PDE4D: variants seen among roughly 807,000 people sequenced by gnomAD.
PDE4D encodes phosphodiesterase 4D.
In PDE4D, 24 loss-of-function variants were observed where a neutral mutation model predicts 87.4. The ratio of observed to expected loss-of-function variants is 0.27; its 90% CI spans 0.20 to 0.39. The LOEUF is 0.39. Among genes scored for constraint, PDE4D ranks in the 10% least tolerant of loss-of-function variants. The probability of loss-of-function intolerance (pLI) is 1.00; values close to 1 mark genes in which losing one functional copy is unlikely to be tolerated. For synonymous variants in PDE4D, 384 were observed against 383.2 expected, an observed-to-expected ratio of 1.00 and a Z score of -0.02; for missense variants, 714 against 1,041.0, an observed-to-expected ratio of 0.69 and a Z score of 4.32.
At chr5:60,102,977 CAAA>C (rs201088621) in intron 2 of PDE4D, among the ~76,000 whole-genome samples, 5 of 122,910 alleles carry the variant, frequency 4.1e-5, no homozygotes, top group African/African-American at 1.5e-4. Context: ...GAAGAAATGA[CAAA>C]AAAAAAAAAA....
intron 1 of PDE4D, among the ~76,000 whole-genome samples, chr5:60,220,696 C>T: frequency 6.6e-6 from 1 of 152,134 alleles, no homozygotes; most frequent in East Asian, 1.9e-4. Flanking sequence ...TCTTTGCCTT[C>T]AATTGATATT....
At chr5:59,314,793 A>G (rs2153567900) in intron 1 of PDE4D, 1 of 152,244 alleles carries the variant, frequency 6.6e-6, no homozygotes, top group East Asian at 1.9e-4. Flanking sequence ...AGCTGTCTCC[A>G]TACGTCTACT....
intron 2 of PDE4D, among the ~76,000 whole-genome samples, chr5:60,024,225 T>C (rs1177457106): frequency 2.0e-5 from 3 of 152,148 alleles, no homozygotes; most frequent in Non-Finnish European, 4.4e-5. Flanking sequence ...ACCATAATTG[T>C]TTATTTTATT....
At chr5:59,587,111 C>T (rs1178926760) in intron 1 of PDE4D, 1 of 536,144 alleles carries the variant, frequency 1.9e-6, no homozygotes, top group African/African-American at 2.1e-5. Flanking sequence ...AAGATGCTGT[C>T]ACGATGAAAT....
upstream of PDE4D, among the ~76,000 whole-genome samples, chr5:60,491,911 G>A (rs181709466): frequency 1.3e-3 from 202 of 152,208 alleles, no homozygotes; most frequent in Non-Finnish European, 2.0e-3. Flanking sequence ...TCCTAGGCTG[G>A]TGTGAAGATT....
At chr5:59,736,896 C>T (rs1257695264) in intron 1 of PDE4D, among the ~76,000 whole-genome samples, 1 of 152,046 alleles carries the variant, frequency 6.6e-6, no homozygotes, top group Non-Finnish European at 1.5e-5. Flanking sequence ...AAATTTTCTT[C>T]TTTGCAATTT....
At chr5:59,800,636 C>G (rs1402523136) in intron 1 of PDE4D, among the ~76,000 whole-genome samples, 1 of 151,850 alleles carries the variant, frequency 6.6e-6, no homozygotes, top group Non-Finnish European at 1.5e-5. Context: ...CCTACTATCC[C>G]TCACACCTAA....
chr5:59,811,970 C>G (rs542969678), intron 1 of PDE4D, among the ~76,000 whole-genome samples: 1 of 152,324 alleles, frequency 6.6e-6, no homozygotes, highest in South Asian at 2.1e-4. Context: ...CTTTCCCCAT[C>G]GTGAGGGTTG....
intron 1 of PDE4D, among the ~76,000 whole-genome samples, chr5:59,527,512 G>C (rs1450556979): frequency 6.6e-6 from 1 of 152,118 alleles, no homozygotes; most frequent in Non-Finnish European, 1.5e-5. Flanking sequence ...TTGCAATAAA[G>C]TGAACTTTCA....
At chr5:59,606,982 CTTTGGAAG>C (rs1304436320) in intron 1 of PDE4D, among the ~76,000 whole-genome samples, 1 of 151,802 alleles carries the variant, frequency 6.6e-6, no homozygotes, top group Non-Finnish European at 1.5e-5. Flanking sequence ...TTTCATATAC[CTTTGGAAG>C]TTTTAGTGCC....
At chr5:59,609,485 C>T (rs1003835736) in intron 1 of PDE4D, among the ~76,000 whole-genome samples, 1 of 151,792 alleles carries the variant, frequency 6.6e-6, no homozygotes, top group East Asian at 1.9e-4. Context: ...AGAAGCAATA[C>T]GTGTCACTTC....
chr5:60,340,780 A>T lies in PDE4D; in HGVS notation c.-90+147162T>A, dbSNP rs139449555. Among the ~76,000 whole-genome samples the T allele has an allele frequency of 3.4e-3, 517 of 152,312 alleles. 1 individual carries two copies. The highest frequency in any genetic ancestry group is 0.012 in the African/African-American group (485 of 41,582). ...AGAAGAGTTTAAACAATCCAATTACATATAAAGACAAATAATAATAATATG... is the reference window on the plus strand; with the variant it reads ...AGAAGAGTTTAAACAATCCAATTACTTATAAAGACAAATAATAATAATATG... On this transcript the variant is annotated intron_variant, in intron 1 of 16. Coordinates refer to the PDE4D transcript ENST00000502484.
chr5:60,256,802 C>G (rs1340409990), intron 1 of PDE4D, among the ~76,000 whole-genome samples: 1 of 151,900 alleles, frequency 6.6e-6, no homozygotes, highest in East Asian at 1.9e-4. Flanking sequence ...AATGGGTTTG[C>G]TTCTTGGGAA....
At chr5:59,155,952 G>A (rs2153462322) in intron 5 of PDE4D, among the ~76,000 whole-genome samples, 1 of 152,242 alleles carries the variant, frequency 6.6e-6, no homozygotes, top group Middle Eastern at 3.4e-3. Context: ...AGGAGATGAA[G>A]AGCTGCTGGT....
intron 1 of PDE4D, among the ~76,000 whole-genome samples, chr5:59,580,879 T>G (rs1195683165): frequency 6.6e-6 from 1 of 151,924 alleles, no homozygotes; most frequent in Non-Finnish European, 1.5e-5. Flanking sequence ...TTTAAATTAT[T>G]TTTTTTTAGT....
At chr5:59,245,234 A>T (rs889674862) in intron 1 of PDE4D, among the ~76,000 whole-genome samples, 2 of 152,112 alleles carry the variant, frequency 1.3e-5, no homozygotes, top group Admixed American at 6.6e-5. Flanking sequence ...GTACACAAGG[A>T]CATGTTGGAA....
intron 1 of PDE4D, among the ~76,000 whole-genome samples, chr5:59,223,158 C>T (rs940945013): frequency 3.3e-4 from 51 of 152,304 alleles, no homozygotes; most frequent in African/African-American, 1.2e-3. Flanking sequence ...CTCCACCCAA[C>T]TCCATAATTC....
intron 1 of PDE4D, among the ~76,000 whole-genome samples, chr5:59,659,209 T>C (rs1168312267): frequency 6.6e-6 from 1 of 152,226 alleles, no homozygotes; most frequent in East Asian, 1.9e-4. Context: ...ATGAATCACT[T>C]GGGTGGGTGA....
At chr5:60,152,210 A>G (rs541518956) in intron 2 of PDE4D, among the ~76,000 whole-genome samples, 15 of 152,150 alleles carry the variant, frequency 9.9e-5, no homozygotes, top group Non-Finnish European at 2.1e-4. Context: ...ATTTATCAGT[A>G]ATTTTCTTTC....
Sources: gnomAD v4.1 joint callset for allele counts (sites outside exome capture counted in the v4.1 genomes callset) on GRCh38, gnomAD v4.1.1 for gene constraint, MANE v1.5 for transcripts, NCBI Gene and HGNC (gene_info 2026-07-23, HGNC 2026-07-21) for gene names.